The following ZNF804A variants were observed in gnomAD, a reference collection of about 807,000 sequenced individuals.
ZNF804A encodes zinc finger protein 804A.
Under a neutral mutation model 16.5 loss-of-function variants are expected in ZNF804A, and 2 were observed. The ratio of observed to expected loss-of-function variants is 0.12; its 90% CI spans 0.05 to 0.38. ZNF804A has a LOEUF of 0.38. ZNF804A is among the 10% of genes least tolerant of loss of function. ZNF804A has a pLI of 0.99. For missense variants in ZNF804A, 1,473 were observed against 1,390.7 expected, an observed-to-expected ratio of 1.06 and a Z score of -0.94; for synonymous variants, 534 against 489.6, an observed-to-expected ratio of 1.09 and a Z score of -1.20.
intron 1 of ZNF804A, among the ~76,000 whole-genome samples, chr2:184,722,845 G>A (rs1470225189): frequency 6.6e-6 from 1 of 151,948 alleles, no homozygotes; most frequent in Non-Finnish European, 1.5e-5. Context: ...CTCTGACATT[G>A]ATGGAGATCA....
intron 2 of ZNF804A, among the ~76,000 whole-genome samples, chr2:184,922,611 C>G (rs552916182): frequency 4.1e-4 from 63 of 151,986 alleles, no homozygotes; most frequent in African/African-American, 1.4e-3. Flanking sequence ...TGATGTGGCC[C>G]TATTTGTCCA....
chr2:184,834,393 T>C (rs1239519893), intron 1 of ZNF804A, among the ~76,000 whole-genome samples: 2 of 152,092 alleles, frequency 1.3e-5, no homozygotes, highest in Admixed American at 6.6e-5. Flanking sequence ...TAGAATCAGC[T>C]ATTTCTCCAA....
chr2:184,710,129 A>G (rs1398167394), intron 1 of ZNF804A, among the ~76,000 whole-genome samples: 5 of 151,274 alleles, frequency 3.3e-5, no homozygotes, highest in Non-Finnish European at 7.4e-5. Context: ...GTGGTCTTGT[A>G]TTTTTAATTT....
intron 1 of ZNF804A, among the ~76,000 whole-genome samples, chr2:184,783,138 GTTTTTT>G (rs57207733): frequency 1.2e-4 from 10 of 86,120 alleles, no homozygotes; most frequent in African/African-American, 4.0e-4. Flanking sequence ...AAAAGAGTGA[GTTTTTT>G]TTTTTTTTTT....
intron 1 of ZNF804A, among the ~76,000 whole-genome samples, chr2:184,842,574 T>G (rs1695454562): frequency 6.6e-6 from 1 of 152,014 alleles, no homozygotes; most frequent in Non-Finnish European, 1.5e-5. Flanking sequence ...TAGTATAAAA[T>G]TAATTTGGAA....
intron 1 of ZNF804A, among the ~76,000 whole-genome samples, chr2:184,771,617 G>A (rs983506960): frequency 6.6e-6 from 1 of 151,552 alleles, no homozygotes; most frequent in Middle Eastern, 3.4e-3. Flanking sequence ...AAAAGAAGAT[G>A]TCTACTGGCC....
Position 184,707,976 on chromosome 2 carries a change from C to T in ZNF804A, c.111+108906C>T, listed in dbSNP as rs539139258. On this transcript the variant is annotated intron_variant, in intron 1 of 3. Transcript: ENST00000302277. ...TTATTTTTGACTTTTTACTAATAGC[C>T]ATTCTGACTGGTGTGTGATGGTATC... 2.0e-5 allele frequency among the ~76,000 whole-genome samples: 3 copies of T among 152,146 alleles called. No homozygotes were observed. The South Asian group carries it at 6.2e-4, about 32-fold the overall frequency.
At chr2:184,681,685 A>G (rs1017594728) in intron 1 of ZNF804A, among the ~76,000 whole-genome samples, 4 of 152,228 alleles carry the variant, frequency 2.6e-5, no homozygotes, top group African/African-American at 9.6e-5. Flanking sequence ...GCCAGCTTCA[A>G]CAGGGGAAGT....
intron 1 of ZNF804A, among the ~76,000 whole-genome samples, chr2:184,780,036 G>A (rs1694350374): frequency 1.3e-5 from 2 of 151,686 alleles, no homozygotes; most frequent in Admixed American, 6.6e-5. Context: ...ACAGGTTCAC[G>A]ACCATTCTAG....
At chr2:184,742,806 GTA>G (rs914150550) in intron 1 of ZNF804A, among the ~76,000 whole-genome samples, 1 of 151,464 alleles carries the variant, frequency 6.6e-6, no homozygotes, top group African/African-American at 2.4e-5. Context: ...ATATGTGTGT[GTA>G]TATATATAAC....
intron 1 of ZNF804A, among the ~76,000 whole-genome samples, chr2:184,845,814 C>T (rs1695504306): frequency 6.6e-6 from 1 of 152,052 alleles, no homozygotes; most frequent in South Asian, 2.1e-4. Context: ...TCAAGAGTTT[C>T]TGTATATTAC....
chr2:184,934,789 G>T (rs558846559), intron 3 of ZNF804A, among the ~76,000 whole-genome samples: 2 of 151,948 alleles, frequency 1.3e-5, no homozygotes, highest in African/African-American at 4.8e-5. Flanking sequence ...TCAGTATAAA[G>T]CACATATTTT....
chr2:184,682,677 A>G (rs1438297368), intron 1 of ZNF804A, among the ~76,000 whole-genome samples: 2 of 152,196 alleles, frequency 1.3e-5, no homozygotes, highest in East Asian at 3.8e-4. Flanking sequence ...TATGCAAATC[A>G]ATCTGAATTT....
intron 1 of ZNF804A, among the ~76,000 whole-genome samples, chr2:184,742,618 C>T (rs1693724966): frequency 6.6e-6 from 1 of 151,818 alleles, no homozygotes; most frequent in South Asian, 2.1e-4. Flanking sequence ...TTGAATTTAA[C>T]TGCCTCAGAA....
rs76439463 is a variant in ZNF804A, at chr2:184,644,776, A to G, written c.111+45706A>G. On this transcript the variant is annotated intron_variant, in intron 1 of 3. Transcript: ENST00000302277. Reference sequence around the variant, plus strand: ...AACTCTGTTTCATACCTTGCTTTTCATTTTAAGAATTATCAAAAGAGACCA... The same window carrying G: ...AACTCTGTTTCATACCTTGCTTTTCGTTTTAAGAATTATCAAAAGAGACCA... Among the ~76,000 whole-genome samples the G allele has an allele frequency of 3.3e-5, 5 of 152,142 alleles. No individual in the cohort carries two copies. The East Asian group carries it at 9.6e-4, about 29-fold the overall frequency.
chr2:184,930,994 A>T (rs1685689430), intron 2 of ZNF804A, among the ~76,000 whole-genome samples: 1 of 152,160 alleles, frequency 6.6e-6, no homozygotes, highest in Non-Finnish European at 1.5e-5. Context: ...GTGAAGGAGG[A>T]GCAAAGTCAT....
chr2:184,795,513 T>C (rs1228998255), intron 1 of ZNF804A, among the ~76,000 whole-genome samples: 2 of 150,804 alleles, frequency 1.3e-5, no homozygotes, highest in African/African-American at 4.9e-5. Context: ...CTCAAGGAAC[T>C]AGAGAAAAAA....
chr2:184,793,640 G>T (rs146538038), intron 1 of ZNF804A, among the ~76,000 whole-genome samples: 24 of 152,080 alleles, frequency 1.6e-4, no homozygotes, highest in East Asian at 9.7e-4. Flanking sequence ...TTCTTTAATG[G>T]CAATTTATAA....
intron 1 of ZNF804A, among the ~76,000 whole-genome samples, chr2:184,778,153 A>C (rs13018902): frequency 0.026 from 3,959 of 151,528 alleles, 86 homozygotes; most frequent in Non-Finnish European, 0.04. Context: ...ATGTCTGATA[A>C]TTTTCTTGCT....
Sources: allele counts gnomAD v4.1 joint callset (sites outside exome capture counted in the v4.1 genomes callset), GRCh38; gene constraint gnomAD v4.1.1; transcripts MANE v1.5; gene names NCBI Gene and HGNC (gene_info 2026-07-23, HGNC 2026-07-21).